GABRG1: variants seen among roughly 807,000 people sequenced by gnomAD.
The protein encoded by GABRG1 is gamma-aminobutyric acid type A receptor subunit gamma1.
Under a neutral mutation model 49.8 loss-of-function variants are expected in GABRG1, and 49 were observed. The ratio of observed to expected loss-of-function variants is 0.98; its 90% CI spans 0.78 to 1.25. GABRG1 has a LOEUF of 1.25. GABRG1 is among the 50% of genes most tolerant of loss of function. The pLI, the probability that GABRG1 is intolerant of heterozygous loss-of-function variation, is 0.00. For missense variants in GABRG1, 552 were observed against 552.3 expected (o/e 1.00, Z 0.01); for synonymous variants, 232 against 185.1 (o/e 1.25, Z -2.06).
At chr4:46,050,118 T>C (rs1048744622) in intron 8 of GABRG1, among the ~76,000 whole-genome samples, 4 of 151,976 alleles carry the variant, frequency 2.6e-5, no homozygotes, top group South Asian at 2.1e-4. Context: ...TTTTTCTTTA[T>C]CTAAAAATGT....
intron 1 of GABRG1, among the ~76,000 whole-genome samples, chr4:46,114,480 T>A (rs1224157795): frequency 6.6e-6 from 1 of 150,978 alleles, no homozygotes; most frequent in African/African-American, 2.4e-5. Flanking sequence ...TCATACTGTA[T>A]CTTAATTAAT....
chr4:46,087,575 G>T (rs1719825778), intron 2 of GABRG1, among the ~76,000 whole-genome samples: 1 of 151,630 alleles, frequency 6.6e-6, no homozygotes, highest in South Asian at 2.1e-4. Context: ...AATGTTACAA[G>T]TTATAAAATT....
intron 7 of GABRG1, among the ~76,000 whole-genome samples, chr4:46,056,256 G>A (rs1718443941): frequency 6.7e-6 from 1 of 149,888 alleles, no homozygotes; most frequent in South Asian, 2.1e-4. Flanking sequence ...TCTAACTATT[G>A]GCCCCTTCTC....
At chr4:46,085,176 A>G (rs1489456149) in intron 2 of GABRG1, among the ~76,000 whole-genome samples, 1 of 151,384 alleles carries the variant, frequency 6.6e-6, no homozygotes, top group Non-Finnish European at 1.5e-5. Flanking sequence ...GTCTACATTG[A>G]GAGGGAAATT....
chr4:46,051,583 T>C lies in GABRG1; in HGVS notation c.972A>G (p.Leu324=). 1 of 1,611,386 alleles carries C rather than the reference T, an allele frequency of 6.2e-7. No individual in the cohort carries two copies. ...TCGCAGTCACATAAGAAACCTTAGG[T>C]AAAGACTTCCTGGCAATTGTACTCA... ...TTLSTIARKS[L]PKVSYVTAMD... The change falls in exon 8 of 9, where the codon TTA becomes TTG. Residue 324 remains leucine (L), a synonymous_variant. Transcript: ENST00000295452.
At chr4:46,052,495 C>G (rs1560350226) in intron 7 of GABRG1, among the ~76,000 whole-genome samples, 1 of 151,860 alleles carries the variant, frequency 6.6e-6, no homozygotes, top group Non-Finnish European at 1.5e-5. Flanking sequence ...GAGAAGTCAG[C>G]ATGTATACCT....
intron 1 of GABRG1, among the ~76,000 whole-genome samples, chr4:46,119,125 G>C (rs13108188): frequency 6.6e-6 from 1 of 150,970 alleles, no homozygotes. Flanking sequence ...GTTTGTCTGC[G>C]TCAAGTACTT....
In GABRG1 at chr4:46,056,756, G is replaced by C. The variant is rs968007873; in HGVS notation, c.916+1461C>G. On this transcript the variant is annotated intron_variant, in intron 7 of 8. Transcript: ENST00000295452. ...AATGCAAGGTTGAGTTCAGGAAATT[G>C]TCTTGCAGTGATATGTGTGTGCATG... Among the ~76,000 whole-genome samples, 6 of 152,064 alleles carry C rather than the reference G, an allele frequency of 3.9e-5. No individual in the cohort carries two copies. The South Asian group carries it at 1.2e-3, about 32-fold the overall frequency.
intron 8 of GABRG1, 54 bp downstream of exon 8, chr4:46,051,370 G>C (rs1431972892): frequency 3.9e-6 from 5 of 1,284,780 alleles, no homozygotes; most frequent in African/African-American, 1.5e-5. Flanking sequence ...ATTCAAAAGA[G>C]TATCTCTAAG....
intron 5 of GABRG1, among the ~76,000 whole-genome samples, chr4:46,059,954 T>C (rs571473673): frequency 3.3e-5 from 5 of 152,334 alleles, no homozygotes; most frequent in Non-Finnish European, 7.4e-5. Context: ...CTCTTATTTT[T>C]TCCTCTCTTT....
In GABRG1 at chr4:46,040,688, A is replaced by G. The variant is rs1238335898; in HGVS notation, c.*300T>C. ...ATTAAAATTATTCCATCTTTAAAAC[A>G]TGAATCATAGAACTTAAAAATTCAA... is the stretch of plus-strand genomic sequence containing the variant. On this transcript the variant is annotated 3_prime_UTR_variant, in exon 9 of 9. Transcript: ENST00000295452. 5.3e-6 allele frequency: 1 copy of G among 189,994 alleles called. No individual in the cohort carries two copies. The highest frequency in any genetic ancestry group is 2.3e-5 in the African/African-American group (1 of 42,942). The allele number at this position is 189,994 out of a possible 1,614,324, so 11.8% of individuals were successfully genotyped here.
At chr4:46,121,193 C>T (rs951550505) in intron 1 of GABRG1, among the ~76,000 whole-genome samples, 29 of 151,670 alleles carry the variant, frequency 1.9e-4, no homozygotes, top group Non-Finnish European at 1.2e-4. Context: ...GGGAAGTCCC[C>T]AAAATAGATG....
chr4:46,097,797 G>GA (rs1720229655), intron 1 of GABRG1, among the ~76,000 whole-genome samples: 1 of 151,622 alleles, frequency 6.6e-6, no homozygotes, highest in South Asian at 2.1e-4. Context: ...TGGATGTGTA[G>GA]AAAAGAAGAA....
At chr4:46,075,677 T>C (rs1292543517) in intron 3 of GABRG1, among the ~76,000 whole-genome samples, 1 of 152,020 alleles carries the variant, frequency 6.6e-6, no homozygotes, top group East Asian at 1.9e-4. Flanking sequence ...TGTAAATATC[T>C]ACAAAAAATT....
At chr4:46,086,849 C>T (rs1369131203) in intron 2 of GABRG1, among the ~76,000 whole-genome samples, 2 of 151,608 alleles carry the variant, frequency 1.3e-5, no homozygotes, top group African/African-American at 4.8e-5. Context: ...TATCAACCTA[C>T]TCAAATTTCT....
rs1717688761 is a variant in GABRG1 at position 46,039,858 on chromosome 4, A to G, written c.*1130T>C. The G allele has an allele frequency of 6.6e-6, 1 of 151,728 alleles. No homozygotes were observed. Among genetic ancestry groups the G allele is most frequent in the South Asian group, 2.1e-4 (1 of 4,830 alleles). 9.4% of individuals were successfully genotyped at this position (151,728 alleles called of 1,614,324 possible). On this transcript the variant is annotated 3_prime_UTR_variant, in exon 9 of 9. Coordinates refer to ENST00000295452, the MANE Select transcript of GABRG1 (RefSeq NM_173536.4). ...TGAGGCTGCCCCCAGTTTCTAGAAA[A>G]AAAAAAGAATATTATAATAATGTAT...
chr4:46,064,411 T>C (rs546063448), intron 5 of GABRG1, 30 bp downstream of exon 5: 26 of 1,203,518 alleles, frequency 2.2e-5, no homozygotes, highest in Non-Finnish European at 2.9e-5. Flanking sequence ...GTTAAAATTC[T>C]ATGAAATTAT....
At chr4:46,077,517 ATTTC>A (rs1340787187) in intron 3 of GABRG1, among the ~76,000 whole-genome samples, 2 of 151,928 alleles carry the variant, frequency 1.3e-5, no homozygotes, top group African/African-American at 4.8e-5. Context: ...TTGAGTATGT[ATTTC>A]TTTTATAATA....
chr4:46,123,095 CACACAA>C (rs1335827568), intron 1 of GABRG1, among the ~76,000 whole-genome samples: 1 of 125,108 alleles, frequency 8.0e-6, no homozygotes, highest in Non-Finnish European at 1.6e-5. Flanking sequence ...CTGTCCCATA[CACACAA>C]ACACACACAC....
Sources: allele counts gnomAD v4.1 joint callset (sites outside exome capture counted in the v4.1 genomes callset), GRCh38; gene constraint gnomAD v4.1.1; transcripts MANE v1.5; gene names NCBI Gene and HGNC (gene_info 2026-07-23, HGNC 2026-07-21).